GABRB3: variants seen among roughly 807,000 people sequenced by gnomAD.
GABRB3 encodes the protein gamma-aminobutyric acid receptor subunit beta-3.
A neutral mutation model predicts 52.1 loss-of-function variants in GABRB3; 14 were observed. The observed-to-expected ratio is 0.27, with a 90% confidence interval of 0.18 to 0.42. The LOEUF (loss-of-function observed/expected upper bound fraction) is 0.42. Among genes scored for constraint, GABRB3 ranks in the 10% least tolerant of loss-of-function variants. GABRB3 has a pLI of 1.00. For missense variants in GABRB3, 307 were observed against 609.1 expected (o/e 0.50, Z 5.22); for synonymous variants, 260 against 232.3 (o/e 1.12, Z -1.08).
chr15:26,619,301 A>C (rs1892383756), intron 4 of GABRB3, among the ~76,000 whole-genome samples: 2 of 151,884 alleles, frequency 1.3e-5, no homozygotes, highest in South Asian at 4.2e-4. Context: ...GGATTAAGAA[A>C]ATGTGGCACA....
chr15:26,606,969 C>T (rs1239035796), intron 4 of GABRB3, among the ~76,000 whole-genome samples: 1 of 152,062 alleles, frequency 6.6e-6, no homozygotes, highest in Non-Finnish European at 1.5e-5. Flanking sequence ...ATAGTATGCA[C>T]CTCTAACAAT....
At chr15:26,654,802 A>AT (rs1046675946) in intron 3 of GABRB3, among the ~76,000 whole-genome samples, 3 of 151,158 alleles carry the variant, frequency 2.0e-5, no homozygotes, top group African/African-American at 2.4e-5. Context: ...ATCTTTGTAA[A>AT]TTTTTTTTTG....
At chr15:26,664,659 G>C (rs1335162496) in intron 3 of GABRB3, among the ~76,000 whole-genome samples, 1 of 151,204 alleles carries the variant, frequency 6.6e-6, no homozygotes, top group African/African-American at 2.4e-5. Context: ...CACGGTAATG[G>C]GGTACCCATC....
chr15:26,769,184 A>G (rs2140194484), intron 3 of GABRB3, among the ~76,000 whole-genome samples: 1 of 152,298 alleles, frequency 6.6e-6, no homozygotes, highest in East Asian at 1.9e-4. Flanking sequence ...ATGCATACAC[A>G]TCTCTCCCCA....
intron 4 of GABRB3, among the ~76,000 whole-genome samples, chr15:26,619,688 T>A (rs1346279318): frequency 4.0e-5 from 6 of 151,534 alleles, no homozygotes; most frequent in Admixed American, 2.6e-4. Context: ...AATAAATAAA[T>A]AAAAAATAAA....
chr15:26,586,719 AGC>A lies in GABRB3; in HGVS notation c.462-3307_462-3306del, dbSNP rs1307986364. On this transcript the variant is annotated intron_variant, in intron 4 of 8. Transcript: ENST00000311550. ...AAAAAAAAAAAAGAGAGAGAGAGAA[AGC>A]GAAGAAGGAAATTCTGAAATTTGTG... Among the ~76,000 whole-genome samples, 5 of 150,354 alleles carry A rather than the reference AGC, an allele frequency of 3.3e-5. 1 individual carries two copies. The highest frequency in any genetic ancestry group is 1.3e-4 in the Admixed American group (2 of 15,098).
chr15:26,737,291 A>C (rs1890090521), intron 3 of GABRB3, among the ~76,000 whole-genome samples: 1 of 141,752 alleles, frequency 7.1e-6, no homozygotes, highest in African/African-American at 2.7e-5. Flanking sequence ...TGAGCATGGA[A>C]AACAAGAGGA....
At chr15:26,663,514 TAGTC>T (rs1349603536) in intron 3 of GABRB3, among the ~76,000 whole-genome samples, 1 of 152,226 alleles carries the variant, frequency 6.6e-6, no homozygotes, top group African/African-American at 2.4e-5. Flanking sequence ...TTATCTGACA[TAGTC>T]ATGCCTGCTT....
intron 3 of GABRB3, chr15:26,771,937 C>T (rs1891156558): frequency 6.3e-6 from 1 of 158,536 alleles, no homozygotes; most frequent in Non-Finnish European, 1.4e-5. Flanking sequence ...TCTTCGTTCC[C>T]CTTTCCTGCA....
At chr15:26,683,368 C>A (rs1017874482) in intron 3 of GABRB3, among the ~76,000 whole-genome samples, 1 of 145,054 alleles carries the variant, frequency 6.9e-6, no homozygotes, top group African/African-American at 2.9e-5. Flanking sequence ...GCTCCCCCAT[C>A]GCTGGGTTTC....
chr15:26,585,489 A>G (rs1271435800), intron 4 of GABRB3, among the ~76,000 whole-genome samples: 1 of 150,420 alleles, frequency 6.6e-6, no homozygotes, highest in Non-Finnish European at 1.5e-5. Context: ...CCCTAAACTC[A>G]GGTGATAAAG....
rs184314041 is a variant in GABRB3 at position 26,604,158 on chromosome 15, C to T, written c.461+17156G>A. Reference sequence around the variant, plus strand: ...TCTAAAAAAGAAATTTAAAAAATCCCATTAACAATAGCCACAAATAAAATT... The same window carrying T: ...TCTAAAAAAGAAATTTAAAAAATCCTATTAACAATAGCCACAAATAAAATT... On this transcript the variant is annotated intron_variant, in intron 4 of 8. Transcript: ENST00000311550. Among the ~76,000 whole-genome samples, 849 of 152,020 alleles carry T rather than the reference C, an allele frequency of 5.6e-3. 8 individuals are homozygous for T. Among genetic ancestry groups the T allele is most frequent in the Middle Eastern group, 0.014 (4 of 294 alleles).
chr15:26,693,362 C>T (rs957812037), intron 3 of GABRB3, among the ~76,000 whole-genome samples: 3 of 152,186 alleles, frequency 2.0e-5, no homozygotes, highest in African/African-American at 7.2e-5. Flanking sequence ...AATGAAACAG[C>T]AAGAGGAAAC....
At position 26,546,094 on chromosome 15, in the gene GABRB3, C is replaced by G. The variant is rs1306826690; in HGVS notation, c.*1699G>C. 1 of 152,594 alleles carries G rather than the reference C, an allele frequency of 6.6e-6. No individual in the cohort carries two copies. Among genetic ancestry groups the G allele is most frequent in the African/African-American group, 2.4e-5 (1 of 41,420 alleles). 9.5% of individuals were successfully genotyped at this position (152,594 alleles called of 1,614,324 possible). A position where few individuals can be genotyped will look rare whatever the true frequency, so the allele number is the denominator to read the frequency against. Reference sequence around the variant, plus strand: ...AACTGGGGCCTACCATTGGAGCACTCTGGTCCTTGGTTTTGGATAGAACAG... The same window carrying G: ...AACTGGGGCCTACCATTGGAGCACTGTGGTCCTTGGTTTTGGATAGAACAG... On this transcript the variant is annotated 3_prime_UTR_variant, in exon 9 of 9. Transcript: ENST00000311550.
intron 3 of GABRB3, among the ~76,000 whole-genome samples, chr15:26,732,319 T>C (rs1016012258): frequency 4.6e-5 from 5 of 108,962 alleles, no homozygotes; most frequent in Admixed American, 8.2e-5. Context: ...GATGGATGGA[T>C]GGATGGATGG....
At chr15:26,749,298 T>G (rs981928065) in intron 3 of GABRB3, among the ~76,000 whole-genome samples, 1 of 152,198 alleles carries the variant, frequency 6.6e-6, no homozygotes, top group Non-Finnish European at 1.5e-5. Flanking sequence ...CTTAAAAGTT[T>G]ACTGTTTAAC....
At chr15:26,591,794 A>T (rs569031023) in intron 4 of GABRB3, among the ~76,000 whole-genome samples, 1 of 152,322 alleles carries the variant, frequency 6.6e-6, no homozygotes, top group African/African-American at 2.4e-5. Context: ...GTAACCACCA[A>T]CCATGTGTGA....
rs1294685259 is a variant in GABRB3, at chr15:26,543,727, T to C, written c.*4066A>G. 5.2e-5 allele frequency: 8 copies of C among 152,746 alleles called. No individual in the cohort carries two copies. Among genetic ancestry groups the C allele is most frequent in the Non-Finnish European group, 1.0e-4 (7 of 68,032 alleles). 9.5% of individuals were successfully genotyped at this position (152,746 alleles called of 1,614,324 possible). ...CAATAAAATGAAATCAACATGAGAA[T>C]TGATTATGACAGCAATCGCCTATTC... On this transcript the variant is annotated 3_prime_UTR_variant, in exon 9 of 9. Transcript: ENST00000311550.
chr15:26,735,460 T>C (rs1378350634), intron 3 of GABRB3, among the ~76,000 whole-genome samples: 2 of 152,226 alleles, frequency 1.3e-5, no homozygotes, highest in Admixed American at 6.5e-5. Context: ...AAAAGATAGT[T>C]GTACACCCAT....
Sources: gnomAD v4.1 joint callset for allele counts (sites outside exome capture counted in the v4.1 genomes callset) on GRCh38, gnomAD v4.1.1 for gene constraint, MANE v1.5 for transcripts, NCBI Gene and HGNC (gene_info 2026-07-23, HGNC 2026-07-21) for gene names.